C1orf21: variants seen among roughly 807,000 people sequenced by gnomAD.
C1orf21 encodes chromosome 1 open reading frame 21, also known as uncharacterized protein C1orf21.
Under a neutral mutation model 18.7 loss-of-function variants are expected in C1orf21, and 3 were observed. The ratio of observed to expected loss-of-function variants is 0.16; its 90% CI spans 0.07 to 0.42. C1orf21 has a LOEUF of 0.42. Among genes scored for constraint, C1orf21 ranks in the 10% least tolerant of loss-of-function variants. C1orf21 has a pLI of 0.99. For missense variants in C1orf21, 104 were observed against 143.6 expected, an observed-to-expected ratio of 0.72 and a Z score of 1.41; for synonymous variants, 41 against 46.4, an observed-to-expected ratio of 0.88 and a Z score of 0.47.
chr1:184,593,609 G>A (rs931856468), intron 4 of C1orf21, among the ~76,000 whole-genome samples: 1 of 148,408 alleles, frequency 6.7e-6, no homozygotes, highest in African/African-American at 2.6e-5. Context: ...AGTTTTCTCA[G>A]AGAGAGATTG....
chr1:184,591,731 T>G (rs527400193), intron 4 of C1orf21, among the ~76,000 whole-genome samples: 4 of 151,044 alleles, frequency 2.6e-5, no homozygotes, highest in African/African-American at 4.9e-5. Context: ...GCGTGAACCC[T>G]GGAGGTGGAG....
intron 1 of C1orf21, among the ~76,000 whole-genome samples, chr1:184,398,879 GACC>G (rs1170214768): frequency 2.0e-5 from 3 of 152,062 alleles, no homozygotes; most frequent in Non-Finnish European, 2.9e-5. Context: ...GACCATTGCT[GACC>G]AAAACATGGT....
At chr1:184,598,524 A>G (rs1419487026) in intron 5 of C1orf21, 63 bp downstream of exon 5, 22 of 1,418,730 alleles carry the variant, frequency 1.6e-5, no homozygotes, top group Non-Finnish European at 2.2e-5. Flanking sequence ...TTCATATGTG[A>G]GGGCAATAAC....
intron 3 of C1orf21, among the ~76,000 whole-genome samples, chr1:184,547,727 G>A (rs1010200689): frequency 2.6e-5 from 4 of 152,090 alleles, no homozygotes; most frequent in African/African-American, 9.7e-5. Flanking sequence ...CTAAAAATTT[G>A]AATAGATGAA....
At chr1:184,601,908 AAAAT>A (rs1659590084) in intron 5 of C1orf21, among the ~76,000 whole-genome samples, 1 of 152,138 alleles carries the variant, frequency 6.6e-6, no homozygotes, top group Non-Finnish European at 1.5e-5. Context: ...CTCAAAAAAA[AAAAT>A]AATAAAATAA....
intron 1 of C1orf21, among the ~76,000 whole-genome samples, chr1:184,418,536 C>T (rs1302951373): frequency 1.3e-5 from 2 of 152,176 alleles, no homozygotes; most frequent in East Asian, 3.9e-4. Flanking sequence ...TTCTTCTGCG[C>T]TCTGGGAACT....
intron 3 of C1orf21, among the ~76,000 whole-genome samples, chr1:184,534,871 G>A (rs886521948): frequency 4.6e-5 from 7 of 152,076 alleles, no homozygotes; most frequent in Non-Finnish European, 8.8e-5. Flanking sequence ...AGAGATTGGG[G>A]CGGGTGACAG....
At chr1:184,517,050 A>C (rs570094642) in intron 3 of C1orf21, among the ~76,000 whole-genome samples, 12 of 152,160 alleles carry the variant, frequency 7.9e-5, no homozygotes, top group Admixed American at 2.6e-4. Flanking sequence ...TGAAACATAA[A>C]CCAGAGGATA....
At chr1:184,486,029 T>C (rs1303133371) in intron 2 of C1orf21, among the ~76,000 whole-genome samples, 1 of 152,202 alleles carries the variant, frequency 6.6e-6, no homozygotes, top group African/African-American at 2.4e-5. Flanking sequence ...GAAGACTCCC[T>C]GATGTCTTGA....
In C1orf21 at chr1:184,489,287, A is replaced by G. The variant is rs527253215; in HGVS notation, c.94+11684A>G. 3.3e-5 allele frequency among the ~76,000 whole-genome samples: 5 copies of G among 152,334 alleles called. No individual in the cohort carries two copies. The East Asian group carries it at 7.7e-4, about 24-fold the overall frequency. ...ACCAATTGAAAAATGGACAAAGTTC[A>G]TGGCCAGGCAATTCAAAAGAGAAAA... On this transcript the variant is annotated intron_variant, in intron 2 of 5. Transcript: ENST00000235307.
chr1:184,507,329 C>G (rs764894853), intron 2 of C1orf21, among the ~76,000 whole-genome samples: 1 of 152,096 alleles, frequency 6.6e-6, no homozygotes, highest in Non-Finnish European at 1.5e-5. Flanking sequence ...AGCATTTGCT[C>G]TCTGTGGAAG....
intron 2 of C1orf21, among the ~76,000 whole-genome samples, chr1:184,490,022 A>T (rs139868751): frequency 2.0e-5 from 3 of 152,336 alleles, no homozygotes; most frequent in African/African-American, 7.2e-5. Context: ...TTTTCAGGGC[A>T]ATGGTGAAAT....
At chr1:184,507,497 T>C in intron 2 of C1orf21, 91 bp from the exon 3 acceptor site, 1 of 1,096,086 alleles carries the variant, frequency 9.1e-7, no homozygotes, top group East Asian at 2.7e-5. Context: ...TGAAAGGGTC[T>C]AGCAAATTAC....
At chr1:184,488,279 A>T (rs1388162661) in intron 2 of C1orf21, among the ~76,000 whole-genome samples, 1 of 152,246 alleles carries the variant, frequency 6.6e-6, no homozygotes, top group East Asian at 1.9e-4. Context: ...ATATAATATT[A>T]TGCCTCATTT....
At chr1:184,606,180 C>T (rs1349788346) in intron 5 of C1orf21, among the ~76,000 whole-genome samples, 2 of 152,220 alleles carry the variant, frequency 1.3e-5, no homozygotes, top group Non-Finnish European at 2.9e-5. Context: ...GAGTCAGTGG[C>T]ATGGATACAG....
chr1:184,429,012 C>T (rs562765277), intron 1 of C1orf21, among the ~76,000 whole-genome samples: 1 of 152,156 alleles, frequency 6.6e-6, no homozygotes, highest in African/African-American at 2.4e-5. Context: ...ACCCCTGGCT[C>T]CATCCCCCAA....
chr1:184,432,680 G>A (rs997809542), intron 1 of C1orf21, among the ~76,000 whole-genome samples: 6 of 150,936 alleles, frequency 4.0e-5, no homozygotes, highest in Middle Eastern at 3.4e-3. Flanking sequence ...AAAAAGAAAA[G>A]AAAAAAAAAT....
At chr1:184,480,345 C>CT (rs1180056876) in intron 2 of C1orf21, among the ~76,000 whole-genome samples, 2 of 152,136 alleles carry the variant, frequency 1.3e-5, no homozygotes, top group African/African-American at 4.8e-5. Context: ...GGCTAGAAAA[C>CT]TAAGTTAGGG....
In C1orf21 at chr1:184,619,558, A is replaced by T; in HGVS notation, c.*2A>T. On this transcript the variant is annotated 3_prime_UTR_variant, in exon 6 of 6. Coordinates refer to ENST00000235307, the MANE Select transcript of C1orf21 (RefSeq NM_030806.4). ...TCGGAAGAAGAGGATATCACATAGC[A>T]CCAATTTTACCACTCAAACCAGGAG... is the stretch of plus-strand genomic sequence containing the variant. The T allele has an allele frequency of 6.2e-7, 1 of 1,613,554 alleles. No homozygotes were observed.
Sources: allele counts gnomAD v4.1 joint callset (sites outside exome capture counted in the v4.1 genomes callset), GRCh38; gene constraint gnomAD v4.1.1; transcripts MANE v1.5; gene names NCBI Gene and HGNC (gene_info 2026-07-23, HGNC 2026-07-21).